Variants in MYO15A observed in about 807,000 individuals in gnomAD.
The protein encoded by MYO15A is unconventional myosin-XV.
In MYO15A, 308 loss-of-function variants were observed where a neutral mutation model predicts 394.6. The ratio of observed to expected loss-of-function variants is 0.78; its 90% confidence interval spans 0.71 to 0.86. The LOEUF is 0.86. Among genes scored for constraint, MYO15A ranks in the 40% least tolerant of loss-of-function variants. The pLI is 0.00. For synonymous variants in MYO15A, 1,957 were observed against 2,003.8 expected, an observed-to-expected ratio of 0.98 and a Z score of 0.62; for missense variants, 4,606 against 4,799.1, an observed-to-expected ratio of 0.96 and a Z score of 1.19.
intron 65 of MYO15A, among the ~76,000 whole-genome samples, chr17:18,174,442 T>C (rs553883107): frequency 1.3e-5 from 2 of 152,056 alleles, no homozygotes; most frequent in South Asian, 2.1e-4. Flanking sequence ...GGCAACATAG[T>C]GAGACCTAGT....
rs1225362930 is a variant in MYO15A at position 18,144,531 on chromosome 17, G to C, written c.6212G>C (p.Arg2071Thr). Residue 2071 changes from arginine to threonine, a missense_variant, in exon 29 of 66, where the codon AGG (arginine) becomes ACG (threonine). Arg to Thr is a moderately conservative substitution (Grantham distance 71, BLOSUM62 -1). Around this residue, in one of 2 missense-constraint regions of MYO15A, gnomAD observed 2,776 missense variants for 3,109.3 expected, o/e 0.89. Transcript: ENST00000647165. ...PAFGMLTVPL[R>T]TPLTQLPAEH... is the part of the protein sequence containing the mutation. ...TTTGGGATGCTGACAGTGCCCCTGAGGACACCCCTCACGCAGCTGCCAGCC... is the reference window on the plus strand; with the variant it reads ...TTTGGGATGCTGACAGTGCCCCTGACGACACCCCTCACGCAGCTGCCAGCC... The C allele has an allele frequency of 5.6e-6, 9 of 1,613,372 alleles. No individual in the cohort carries two copies. Among genetic ancestry groups the C allele is most frequent in the Non-Finnish European group, 7.6e-6 (9 of 1,180,010 alleles).
At position 18,132,194 on chromosome 17, in the gene MYO15A, C is replaced by T. The variant is rs2046179735; in HGVS notation, c.4207-259C>T. On this transcript the variant is annotated intron_variant, in intron 10 of 65. Coordinates refer to ENST00000647165, the MANE Select transcript of MYO15A (RefSeq NM_016239.4). This position sits in a 1 kb window ranked among gnomAD's most constrained non-coding sequence, Gnocchi z 4.6. ...CGGTACACATAAGAGAAGACGGGTC[C>T]CTTTTCTCTTATTTCTCCTAACCAA... 6.6e-6 allele frequency among the ~76,000 whole-genome samples: 1 copy of T among 152,168 alleles called. No individual in the cohort carries two copies. Among genetic ancestry groups the T allele is most frequent in the Non-Finnish European group, 1.5e-5 (1 of 68,026 alleles).
intron 57 of MYO15A, among the ~76,000 whole-genome samples, chr17:18,161,760 G>A (rs2046780815): frequency 1.3e-5 from 2 of 152,150 alleles, no homozygotes; most frequent in Admixed American, 6.5e-5. Flanking sequence ...CGTGGGAGAA[G>A]AGAAGGAGGT....
intron 1 of MYO15A, chr17:18,109,157 T>G (rs2045691279): frequency 6.6e-6 from 1 of 152,482 alleles, no homozygotes. Flanking sequence ...AGGTAGGGGC[T>G]CTGGGCCCAG....
At position 18,119,481 on chromosome 17, in the gene MYO15A, G is replaced by C. The variant is rs771392409; in HGVS notation, c.681G>C (p.Glu227Asp). Residue 227 changes from glutamate to aspartate, a missense_variant, in exon 2 of 66, where the codon GAG becomes GAC. Transcript: ENST00000647165. ...CCCGCAAGTCGCTGTACGGGCTTGA[G>C]GGCTTCCAGGACCTGGGCGAGTATT... ...SGSRKSLYGL[E>D]GFQDLGEYYD... is the part of the protein sequence containing the mutation. The C allele has an allele frequency of 1.9e-6, 3 of 1,612,634 alleles. No individual in the cohort carries two copies. In the South Asian group the frequency reaches 3.3e-5, roughly 18 times the overall value.
chr17:18,149,930 GCAA>G (rs1312986078), intron 35 of MYO15A: 2 of 280,742 alleles, frequency 7.1e-6, no homozygotes, highest in East Asian at 1.5e-4. Flanking sequence ...TCCAGCCTGG[GCAA>G]CAACAAGACC....
At chr17:18,146,797 C>T (rs115063453) in intron 30 of MYO15A, among the ~76,000 whole-genome samples, 2,951 of 152,204 alleles carry the variant, frequency 0.019, 97 homozygotes, top group African/African-American at 0.067. Flanking sequence ...TAGTGGCACA[C>T]GCATGTAGTC....
chr17:18,130,358 G>A (rs2046132355), intron 7 of MYO15A, among the ~76,000 whole-genome samples: 1 of 151,874 alleles, frequency 6.6e-6, no homozygotes, highest in African/African-American at 2.4e-5. Context: ...TGCCAATGGG[G>A]CTGAGGGCTA....
intron 9 of MYO15A, 42 bp downstream of exon 9, chr17:18,131,384 G>A: frequency 3.1e-6 from 5 of 1,612,786 alleles, no homozygotes; most frequent in South Asian, 1.1e-5. Context: ...GCCTTGCAGT[G>A]TCTTCCATGT....
chr17:18,169,674 A>C (rs146684075), intron 62 of MYO15A: 1 of 152,190 alleles, frequency 6.6e-6, no homozygotes, highest in South Asian at 2.1e-4. Context: ...GCTTTTGTTT[A>C]TGTGGGTTAT....
At chr17:18,167,547 C>A (rs765853404) in intron 61 of MYO15A, 43 bp from the exon 62 acceptor site, 1 of 1,599,356 alleles carries the variant, frequency 6.3e-7, no homozygotes, top group South Asian at 1.1e-5. Flanking sequence ...AGTGCCTGCA[C>A]GCGTGCCTGC....
At chr17:18,131,597 G>T in intron 10 of MYO15A, 66 bp downstream of exon 10, 1 of 1,582,460 alleles carries the variant, frequency 6.3e-7, no homozygotes, top group Non-Finnish European at 8.7e-7. Flanking sequence ...GATACTCAGA[G>T]CCTGGCCCCT....
At position 18,122,031 on chromosome 17, in the gene MYO15A, A is replaced by G; in HGVS notation, c.3231A>G (p.Pro1077=). ...ACCAGACCAGGGCCACATGGCCACC[A>G]TGGCACCGCTGGGGAACACTGCCCC... The part of the protein sequence containing the change: ...ACDQTRATWP[P]WHRWGTLPQA... Residue 1077 remains proline (P), a synonymous_variant, in exon 2 of 66, where the codon CCA becomes CCG. Transcript: ENST00000647165. 1 of 1,613,022 alleles carries G rather than the reference A, an allele frequency of 6.2e-7. No homozygotes were observed. The highest frequency in any genetic ancestry group is 8.5e-7 in the Non-Finnish European group (1 of 1,180,004).
rs1383154596 is a variant in MYO15A at position 18,119,380 on chromosome 17, C to T, written c.580C>T (p.Arg194Cys). 42 of 1,610,456 alleles carry T rather than the reference C, an allele frequency of 2.6e-5. No individual in the cohort carries two copies. Among genetic ancestry groups the T allele is most frequent in the Non-Finnish European group, 3.5e-5 (41 of 1,179,662 alleles). Residue 194 changes from arginine (R) to cysteine (C), a missense_variant, in exon 2 of 66, where the codon CGC becomes TGC. This residue lies in a region of MYO15A where 1,830 missense variants were observed against 1,689.7 expected (regional missense o/e 1.08). Coordinates refer to ENST00000647165, the MANE Select transcript of MYO15A (RefSeq NM_016239.4). ...GGRLRRFPRS[R>C]SIYASGEPLG... ...CCGGCTCCGGAGGTTCCCCCGCAGC[C>T]GCAGCATCTACGCGTCAGGCGAGCC...
Position 18,150,483 on chromosome 17 carries a change from G to T in MYO15A, c.7267G>T (p.Gly2423Cys). 6.2e-7 allele frequency: 1 copy of T among 1,614,164 alleles called. No individual in the cohort carries two copies. Among genetic ancestry groups the T allele is most frequent in the Non-Finnish European group, 8.5e-7 (1 of 1,180,004 alleles). ...CCGCATGAAAGGGGGAGGCCAGCCC[G>T]GTGGAGGCAGCAGTAGTGGTACTGA... Reference protein sequence around the residue: ...AYRMKGGGQPGGGSSSGTEDT... With the variant: ...AYRMKGGGQPCGGSSSGTEDT... Residue 2423 changes from glycine (G) to cysteine (C), a missense_variant, in exon 36 of 66, where the codon GGT (glycine) becomes TGT (cysteine). Transcript: ENST00000647165. The surrounding 1 kb of genome is among the most constrained non-coding windows in gnomAD (Gnocchi z 4.4).
intron 12 of MYO15A, among the ~76,000 whole-genome samples, chr17:18,135,319 C>T (rs983586099): frequency 6.6e-5 from 10 of 152,016 alleles, no homozygotes; most frequent in Non-Finnish European, 1.3e-4. Context: ...TACAGGCACC[C>T]GCCACCACGC....
intron 11 of MYO15A, 53 bp from the exon 12 acceptor site, chr17:18,133,172 G>A: frequency 6.3e-7 from 1 of 1,593,244 alleles, no homozygotes; most frequent in Non-Finnish European, 8.6e-7. Context: ...GGACCTGGAG[G>A]GCTCCCCAGC....
At chr17:18,159,082 G>A in intron 53 of MYO15A, 85 bp downstream of exon 53, 4 of 1,468,828 alleles carry the variant, frequency 2.7e-6, no homozygotes, top group Non-Finnish European at 3.7e-6. Context: ...CAACAAACTT[G>A]TTCTCAGTGA....
chr17:18,115,931 C>T (rs147449925), intron 1 of MYO15A, among the ~76,000 whole-genome samples: 6 of 152,328 alleles, frequency 3.9e-5, no homozygotes, highest in South Asian at 2.1e-4. Context: ...ACGGCACTTA[C>T]GCCCCATTAT....
Sources: gnomAD v4.1 joint callset for allele counts (sites outside exome capture counted in the v4.1 genomes callset) on GRCh38, gnomAD v4.1.1 for gene constraint, gnomAD v4.1.1 regional missense constraint, Gnocchi (gnomAD v3.1) non-coding constraint, MANE v1.5 for transcripts, NCBI Gene and HGNC (gene_info 2026-07-23, HGNC 2026-07-21) for gene names.